The following PSMB7 variants were observed in gnomAD, a reference collection of about 807,000 sequenced individuals.
PSMB7 encodes proteasome subunit beta type-7.
Under a neutral mutation model 28.1 loss-of-function variants are expected in PSMB7, and 5 were observed. The observed-to-expected ratio is 0.18, with a 90% CI of 0.09 to 0.37. PSMB7 has a LOEUF of 0.37. Ranked by LOEUF, PSMB7 falls within the 10% of genes least tolerant of loss-of-function variation. The pLI is 1.00. For synonymous variants in PSMB7, 122 were observed against 123.7 expected (o/e 0.99, Z 0.09); for missense variants, 275 against 346.2 (o/e 0.79, Z 1.63).
intron 4 of PSMB7, among the ~76,000 whole-genome samples, chr9:124,409,855 T>C (rs1166595023): frequency 6.6e-6 from 1 of 152,250 alleles, no homozygotes; most frequent in African/African-American, 2.4e-5. Flanking sequence ...ACCACTCTCA[T>C]TTTATGTAAC....
intron 5 of PSMB7, among the ~76,000 whole-genome samples, chr9:124,387,007 G>A (rs1225044075): frequency 6.6e-6 from 1 of 152,156 alleles, no homozygotes; most frequent in Admixed American, 6.5e-5. Context: ...AGAACTTTGG[G>A]AGGCCGAGGT....
chr9:124,396,657 C>A, intron 5 of PSMB7: 1 of 425,834 alleles, frequency 2.3e-6, no homozygotes, highest in Admixed American at 2.9e-5. Flanking sequence ...CTAAATTGTC[C>A]AAGGACCTCA....
At chr9:124,395,522 A>T in intron 5 of PSMB7, among the ~76,000 whole-genome samples, 1 of 152,216 alleles carries the variant, frequency 6.6e-6, no homozygotes, top group South Asian at 2.1e-4. Context: ...GTTAATTATT[A>T]TTTTTTAAAA....
At chr9:124,355,453 C>T (rs1830394554) in intron 7 of PSMB7, among the ~76,000 whole-genome samples, 1 of 152,188 alleles carries the variant, frequency 6.6e-6, no homozygotes, top group African/African-American at 2.4e-5. Flanking sequence ...TTTCAGAGTC[C>T]TCGCCCAGGA....
rs1469034235 is a variant in PSMB7, at chr9:124,353,475, A to C, written c.*123T>G. On this transcript the variant is annotated 3_prime_UTR_variant, in exon 8 of 8. Transcript: ENST00000259457. ...CACAGTGCCCAGACCTCAGCTGCCC[A>C]ATTTGGTTTTTGTTTTTTATTGAGT... The C allele has an allele frequency of 2.7e-6, 2 of 741,206 alleles. No individual in the cohort carries two copies. Among genetic ancestry groups the C allele is most frequent in the African/African-American group, 3.5e-5 (2 of 57,182 alleles). 45.9% of individuals were successfully genotyped at this position (741,206 alleles called of 1,614,324 possible).
At chr9:124,390,647 T>C (rs1169041264) in intron 5 of PSMB7, among the ~76,000 whole-genome samples, 1 of 152,188 alleles carries the variant, frequency 6.6e-6, no homozygotes, top group African/African-American at 2.4e-5. Context: ...TGGAAGCATA[T>C]AAATCAAAAT....
intron 5 of PSMB7, among the ~76,000 whole-genome samples, chr9:124,392,585 A>G (rs908984436): frequency 6.6e-6 from 1 of 152,202 alleles, no homozygotes; most frequent in Non-Finnish European, 1.5e-5. Flanking sequence ...AATGCTGGGG[A>G]CACTAAAAGT....
intron 5 of PSMB7, among the ~76,000 whole-genome samples, chr9:124,401,088 C>T (rs771833320): frequency 3.0e-4 from 45 of 151,932 alleles, no homozygotes; most frequent in Non-Finnish European, 6.2e-4. Flanking sequence ...GAAGGAGATA[C>T]GTGAAAGTTT....
At chr9:124,368,414 GGC>G (rs1830529400) in intron 6 of PSMB7, among the ~76,000 whole-genome samples, 3 of 152,236 alleles carry the variant, frequency 2.0e-5, no homozygotes, top group Admixed American at 2.0e-4. Context: ...ACACTCATCT[GGC>G]TTGTTACATT....
At chr9:124,374,143 C>T (rs953724269) in intron 6 of PSMB7, among the ~76,000 whole-genome samples, 4 of 152,184 alleles carry the variant, frequency 2.6e-5, no homozygotes, top group Admixed American at 6.5e-5. Context: ...CAAAAGACCA[C>T]ATATTATATG....
At chr9:124,365,622 A>T (rs900854281) in intron 6 of PSMB7, among the ~76,000 whole-genome samples, 2 of 152,318 alleles carry the variant, frequency 1.3e-5, no homozygotes, top group Admixed American at 1.3e-4. Context: ...GTCCCATAAA[A>T]TTATCATGAA....
intron 6 of PSMB7, among the ~76,000 whole-genome samples, chr9:124,370,797 A>G (rs1830554980): frequency 6.6e-6 from 1 of 152,200 alleles, no homozygotes; most frequent in African/African-American, 2.4e-5. Context: ...AAGGTTTACC[A>G]TTTTATAGTT....
At chr9:124,382,066 C>T (rs543525496) in intron 6 of PSMB7, among the ~76,000 whole-genome samples, 26 of 151,746 alleles carry the variant, frequency 1.7e-4, no homozygotes, top group Non-Finnish European at 2.9e-4. Context: ...CCAGACCCAC[C>T]TGGGCAGCAT....
chr9:124,358,851 C>T (rs753052754), intron 6 of PSMB7, among the ~76,000 whole-genome samples: 7 of 152,252 alleles, frequency 4.6e-5, no homozygotes, highest in Non-Finnish European at 8.8e-5. Flanking sequence ...GCAGACATCG[C>T]GACCCTGCGG....
chr9:124,412,023 A>G (rs1474249522), intron 4 of PSMB7, among the ~76,000 whole-genome samples: 1 of 152,166 alleles, frequency 6.6e-6, no homozygotes, highest in Non-Finnish European at 1.5e-5. Flanking sequence ...GGGAGGAGAG[A>G]GTAGTTTCAC....
intron 5 of PSMB7, among the ~76,000 whole-genome samples, chr9:124,396,062 C>T (rs964262060): frequency 6.6e-6 from 1 of 152,214 alleles, no homozygotes; most frequent in African/African-American, 2.4e-5. Flanking sequence ...TCCAGCAACA[C>T]ACGGCTATGA....
intron 4 of PSMB7, among the ~76,000 whole-genome samples, chr9:124,410,086 G>A (rs1831013249): frequency 1.4e-5 from 2 of 146,394 alleles, no homozygotes; most frequent in Non-Finnish European, 3.0e-5. Flanking sequence ...TCGGCTCACT[G>A]CCAAGCTCCA....
chr9:124,365,467 T>C lies in PSMB7; in HGVS notation c.571-8552A>G, dbSNP rs117910025. On this transcript the variant is annotated intron_variant, in intron 6 of 7. Coordinates refer to ENST00000259457, the MANE Select transcript of PSMB7 (RefSeq NM_002799.4). ...CGAGTAGGTAGTTCAGTGTGGCTGA[T>C]TGCCAGAGAACCTCACAGGCTATAC... Among the ~76,000 whole-genome samples, 47 of 152,268 alleles carry C rather than the reference T, an allele frequency of 3.1e-4. No individual in the cohort carries two copies. In the East Asian group the frequency reaches 3.5e-3, roughly 11 times the overall value.
At chr9:124,413,347 T>A (rs908015375) in intron 3 of PSMB7, among the ~76,000 whole-genome samples, 3 of 151,728 alleles carry the variant, frequency 2.0e-5, no homozygotes, top group Non-Finnish European at 4.4e-5. Context: ...CACAGGGTGA[T>A]GGCAACTGAA....
Sources: allele counts gnomAD v4.1 joint callset (sites outside exome capture counted in the v4.1 genomes callset), GRCh38; gene constraint gnomAD v4.1.1; transcripts MANE v1.5; gene names NCBI Gene and HGNC (gene_info 2026-07-23, HGNC 2026-07-21).